Variants in RBFOX1 observed in about 807,000 individuals in gnomAD.
RBFOX1 encodes RNA binding protein fox-1 homolog 1.
Under a neutral mutation model 57.7 loss-of-function variants are expected in RBFOX1, and 8 were observed. That is an observed-to-expected ratio of 0.14 (90% confidence interval 0.08 to 0.25). The LOEUF is 0.25. Among genes scored for constraint, RBFOX1 ranks in the 10% least tolerant of loss-of-function variants. The pLI is 1.00. For synonymous variants in RBFOX1, 326 were observed against 222.4 expected, an observed-to-expected ratio of 1.47 and a Z score of -4.15; for missense variants, 611 against 548.5, an observed-to-expected ratio of 1.11 and a Z score of -1.14.
intron 1 of RBFOX1, among the ~76,000 whole-genome samples, chr16:5,268,488 C>T (rs1206496256): frequency 6.6e-6 from 1 of 152,012 alleles, no homozygotes; most frequent in African/African-American, 2.4e-5. Context: ...CGTGCAAATC[C>T]CCTCATCATT....
At chr16:6,793,607 C>G (rs571301151) in intron 3 of RBFOX1, among the ~76,000 whole-genome samples, 1 of 152,064 alleles carries the variant, frequency 6.6e-6, no homozygotes, top group East Asian at 1.9e-4. Context: ...TTCACAAGAG[C>G]AAACTGAAAG....
intron 3 of RBFOX1, among the ~76,000 whole-genome samples, chr16:5,801,631 C>T (rs1050968750): frequency 2.1e-4 from 32 of 152,220 alleles, no homozygotes; most frequent in African/African-American, 7.7e-4. Context: ...CAAAAAAATA[C>T]CAATGTGATC....
chr16:7,387,424 C>T (rs1164753488), intron 4 of RBFOX1, among the ~76,000 whole-genome samples: 1 of 152,138 alleles, frequency 6.6e-6, no homozygotes, highest in Admixed American at 6.5e-5. Context: ...ATCGTACTGA[C>T]ATGATATTCA....
In RBFOX1 at chr16:7,260,930, G is replaced by C. The variant is rs919979289; in HGVS notation, c.27+208832G>C. Among the ~76,000 whole-genome samples, 4 of 152,284 alleles carry C rather than the reference G, an allele frequency of 2.6e-5. No individual in the cohort carries two copies. The East Asian group carries it at 5.8e-4, about 22-fold the overall frequency. ...GGACCCATCATTACGGTGAATGCTA[G>C]GCTCTGGCCAAACACCTACAGCCCC... On this transcript the variant is annotated intron_variant, in intron 4 of 15. Coordinates refer to ENST00000550418, the MANE Select transcript of RBFOX1 (RefSeq NM_018723.4).
chr16:5,736,193 AC>A (rs904113452), intron 3 of RBFOX1, among the ~76,000 whole-genome samples: 1 of 151,712 alleles, frequency 6.6e-6, no homozygotes, highest in Non-Finnish European at 1.5e-5. Context: ...GCCACCTGGC[AC>A]CCCCCATCCC....
chr16:5,916,294 C>T (rs1488746858), intron 4 of RBFOX1, among the ~76,000 whole-genome samples: 2 of 152,120 alleles, frequency 1.3e-5, no homozygotes, highest in East Asian at 3.9e-4. Context: ...TTCTTAATTC[C>T]CCCCTCCTTT....
chr16:7,140,950 G>A (rs1326725645), intron 4 of RBFOX1, among the ~76,000 whole-genome samples: 1 of 152,144 alleles, frequency 6.6e-6, no homozygotes, highest in African/African-American at 2.4e-5. Context: ...AGAGCCTAAC[G>A]TGGAATTGGG....
chr16:6,634,730 T>TATATTTGTATTAAATATATAACACAAAG (rs1555633430), intron 2 of RBFOX1, among the ~76,000 whole-genome samples: 1 of 140,888 alleles, frequency 7.1e-6, no homozygotes, highest in Admixed American at 7.2e-5. Flanking sequence ...AATACAAAGA[T>TATATTTGTATTAAATATATAACACAAAG]ATATTTGTAT....
chr16:7,599,771 T>C (rs1444483287), intron 9 of RBFOX1, among the ~76,000 whole-genome samples: 12 of 148,796 alleles, frequency 8.1e-5, no homozygotes, highest in Admixed American at 8.0e-4. Context: ...TAGCTGGGAC[T>C]ACAGCCACAT....
chr16:6,425,799 A>G (rs563498423), intron 2 of RBFOX1, among the ~76,000 whole-genome samples: 2 of 152,052 alleles, frequency 1.3e-5, no homozygotes, highest in African/African-American at 4.8e-5. Flanking sequence ...ATTCAGGGAG[A>G]AAGAGTTTAA....
chr16:7,470,017 G>GTT (rs35706487), intron 4 of RBFOX1, among the ~76,000 whole-genome samples: 3,727 of 143,156 alleles, frequency 0.026, 136 homozygotes, highest in African/African-American at 0.089. Context: ...GCATGGGTCA[G>GTT]TTTTTTTTTT....
At chr16:5,591,802 T>G (rs2047016995) in intron 2 of RBFOX1, among the ~76,000 whole-genome samples, 1 of 152,230 alleles carries the variant, frequency 6.6e-6, no homozygotes, top group South Asian at 2.1e-4. Flanking sequence ...TCCCAGTATT[T>G]TGTAATTACA....
intron 4 of RBFOX1, among the ~76,000 whole-genome samples, chr16:7,390,858 C>T (rs375099247): frequency 4.6e-5 from 7 of 151,974 alleles, no homozygotes; most frequent in South Asian, 2.1e-4. Flanking sequence ...GTGATTTGTA[C>T]GCCCTGGGGA....
intron 3 of RBFOX1, among the ~76,000 whole-genome samples, chr16:6,851,180 T>C (rs2094040457): frequency 1.3e-5 from 2 of 152,210 alleles, no homozygotes; most frequent in Admixed American, 6.5e-5. Flanking sequence ...TTTATGTATC[T>C]AAAGGTTACA....
Position 6,317,046 on chromosome 16 carries a change from A to C in RBFOX1, c.-75A>C. The stretch of plus-strand genomic sequence containing the variant: ...TGGAACTTACAGCTTCCTTGATCGG[A>C]CTCAGCATTCAGTAAGTGCAACCCA... On this transcript the variant is annotated 5_prime_UTR_variant, in exon 2 of 16. Coordinates refer to ENST00000550418, the MANE Select transcript of RBFOX1 (RefSeq NM_018723.4). The C allele has an allele frequency of 6.5e-7, 1 of 1,535,286 alleles. No homozygotes were observed. The highest frequency in any genetic ancestry group is 8.7e-7 in the Non-Finnish European group (1 of 1,146,310).
At chr16:7,351,748 C>G (rs1331013974) in intron 4 of RBFOX1, among the ~76,000 whole-genome samples, 3 of 152,178 alleles carry the variant, frequency 2.0e-5, no homozygotes, top group Non-Finnish European at 2.9e-5. Flanking sequence ...GAGCAGCTGA[C>G]TTACTGTGGT....
At chr16:6,931,114 T>C (rs2076432568) in intron 3 of RBFOX1, among the ~76,000 whole-genome samples, 1 of 152,182 alleles carries the variant, frequency 6.6e-6, no homozygotes, top group Admixed American at 6.5e-5. Flanking sequence ...TATTGATTTA[T>C]ATTATAAAGG....
chr16:7,046,504 A>G (rs566341054), intron 3 of RBFOX1, among the ~76,000 whole-genome samples: 23 of 151,818 alleles, frequency 1.5e-4, no homozygotes, highest in African/African-American at 5.6e-4. Flanking sequence ...CGTTAAATAT[A>G]TGTAATTTTT....
At chr16:6,215,894 A>G (rs1195197203) in intron 1 of RBFOX1, among the ~76,000 whole-genome samples, 1 of 152,146 alleles carries the variant, frequency 6.6e-6, no homozygotes, top group Admixed American at 6.5e-5. Flanking sequence ...GATCCACAAG[A>G]TGGTTGCAGT....
Sources: gnomAD v4.1 joint callset for allele counts (sites outside exome capture counted in the v4.1 genomes callset) on GRCh38, gnomAD v4.1.1 for gene constraint, MANE v1.5 for transcripts, NCBI Gene and HGNC (gene_info 2026-07-23, HGNC 2026-07-21) for gene names.